CLK3: variants seen among roughly 807,000 people sequenced by gnomAD.
CLK3 encodes the protein CDC like kinase 3, also known as dual specificity protein kinase CLK3.
CLK3 carries 24 observed loss-of-function variants against 65.2 expected under a neutral mutation model. The ratio of observed to expected loss-of-function variants is 0.37; its 90% CI spans 0.27 to 0.52. CLK3 has a LOEUF of 0.52. Among genes scored for constraint, CLK3 ranks in the 20% least tolerant of loss-of-function variants. The pLI is 0.92. For synonymous variants in CLK3, 252 were observed against 240.8 expected (o/e 1.05, Z -0.43); for missense variants, 506 against 660.0 (o/e 0.77, Z 2.56).
rs966746858 is a variant in CLK3, at chr15:74,620,438, G to C, written c.369+213G>C. The C allele has an allele frequency of 1.6e-5, 11 of 681,954 alleles. No individual in the cohort carries two copies. The Admixed American group carries it at 2.9e-4, about 18-fold the overall frequency. The allele number at this position is 681,954 out of a possible 1,614,324, so 42.2% of individuals were successfully genotyped here. ...CTTCTGGCTCTTTCCAGTGGCAACT[G>C]TAGGAACTCTGGCTCCGATGCTGGC... On this transcript the variant is annotated intron_variant, in intron 3 of 12. Coordinates refer to ENST00000395066, the MANE Select transcript of CLK3 (RefSeq NM_001130028.2).
chr15:74,629,741 A>C lies in CLK3; in HGVS notation c.1331A>C (p.Gln444Pro), dbSNP rs1286572474. 1 of 1,613,530 alleles carries C rather than the reference A, an allele frequency of 6.2e-7. No homozygotes were observed. The highest frequency in any genetic ancestry group is 8.5e-7 in the Non-Finnish European group (1 of 1,179,718). ...CTCCAAGACTCCCTGGAGCACGTGCAGCTGTTTGACCTGATGAGGAGGATG... is the reference window on the plus strand; with the variant it reads ...CTCCAAGACTCCCTGGAGCACGTGCCGCTGTTTGACCTGATGAGGAGGATG... Reference protein sequence around the residue: ...YMLQDSLEHVQLFDLMRRMLE... With the variant: ...YMLQDSLEHVPLFDLMRRMLE... Residue 444 changes from glutamine (Q) to proline (P), a missense_variant, in exon 13 of 13, where the codon CAG becomes CCG. Gln to Pro is a moderately conservative substitution (Grantham distance 76). Around this residue, in one of 2 missense-constraint regions of CLK3, gnomAD observed 325 missense variants for 500.5 expected, o/e 0.65. Transcript: ENST00000395066.
chr15:74,629,664 A>G (rs766753833), intron 12 of CLK3, 43 bp from the exon 13 acceptor site: 1 of 1,544,132 alleles, frequency 6.5e-7, no homozygotes, highest in African/African-American at 1.4e-5. Context: ...GTGGCTTCCC[A>G]CGACCCTGCC....
At chr15:74,615,737 G>C, upstream of CLK3, 1 of 1,238,226 alleles carries the variant, frequency 8.1e-7, no homozygotes, top group Middle Eastern at 3.1e-4. Flanking sequence ...CTTCGAGTCG[G>C]GGGCTAGAGC....
chr15:74,627,928 A>G lies in CLK3; in HGVS notation c.1043-42A>G. The G allele has an allele frequency of 2.0e-6, 3 of 1,495,198 alleles. No individual in the cohort carries two copies. Among genetic ancestry groups the G allele is most frequent in the South Asian group, 1.1e-5 (1 of 88,778 alleles). The allele number at this position is 1,495,198 out of a possible 1,614,324, so 92.6% of individuals were successfully genotyped here. ...GCCTTGTGACTTCCAGGCTGGAAGCATAAGGCCGGATCTCACAGCCTCTCC... is the reference window on the plus strand; with the variant it reads ...GCCTTGTGACTTCCAGGCTGGAAGCGTAAGGCCGGATCTCACAGCCTCTCC... On this transcript the variant is annotated intron_variant, in intron 9 of 12. Transcript: ENST00000395066. This position sits in a 1 kb window ranked among gnomAD's most constrained non-coding sequence, Gnocchi z 4.3.
chr15:74,625,120 C>A, intron 6 of CLK3, 102 bp downstream of exon 6: 1 of 822,624 alleles, frequency 1.2e-6, no homozygotes, highest in Admixed American at 2.0e-5. Context: ...GCCTTCTCCC[C>A]ACACTCAGAA....
intron 6 of CLK3, among the ~76,000 whole-genome samples, 162 bp downstream of exon 6, chr15:74,625,180 A>C (rs771093251): frequency 1.3e-5 from 2 of 152,156 alleles, no homozygotes; most frequent in East Asian, 1.9e-4. Context: ...ACTGCAGTCC[A>C]GTCTTCACCC....
chr15:74,622,295 G>A lies in CLK3; in HGVS notation c.466+79G>A, dbSNP rs2062109916. 3.6e-6 allele frequency: 5 copies of A among 1,385,770 alleles called. No homozygotes were observed. The highest frequency in any genetic ancestry group is 1.8e-4 in the Middle Eastern group (1 of 5,570). The allele number at this position is 1,385,770 out of a possible 1,614,324, so 85.8% of individuals were successfully genotyped here. A position where few individuals can be genotyped will look rare whatever the true frequency, so the allele number is the denominator to read the frequency against. ...GACGAGACCTCTCCTGCCTGGAGGG[G>A]CCTCTAGTGCGCGTGGTGCCTTAGC... On this transcript the variant is annotated intron_variant, in intron 4 of 12. Transcript: ENST00000395066. The surrounding 1 kb of genome is among the most constrained non-coding windows in gnomAD (Gnocchi z 4.6).
chr15:74,613,187 G>A (rs1168242477), upstream of CLK3: 2 of 152,450 alleles, frequency 1.3e-5, no homozygotes, highest in Non-Finnish European at 2.9e-5. Context: ...CCTAAGCTTG[G>A]TGGAAGTGGA....
In CLK3 at chr15:74,621,070, C is replaced by T. The variant is rs143886048; in HGVS notation, c.369+845C>T. ...TCCCCCATCCCTCTTCCCTGCCTCC[C>T]TCCTGCCGGCCTTGAGGCCCCTGAG... On this transcript the variant is annotated intron_variant, in intron 3 of 12. Transcript: ENST00000395066. This position sits in a 1 kb window ranked among gnomAD's most constrained non-coding sequence, Gnocchi z 4.8. The T allele has an allele frequency of 6.6e-6, 1 of 152,534 alleles. No homozygotes were observed. The highest frequency in any genetic ancestry group is 2.4e-5 in the African/African-American group (1 of 41,484). The allele number at this position is 152,534 out of a possible 1,614,324, so 9.4% of individuals were successfully genotyped here. A position where few individuals can be genotyped will look rare whatever the true frequency, so the allele number is the denominator to read the frequency against.
At chr15:74,614,800 G>C (rs572763075), upstream of CLK3, 1 of 152,190 alleles carries the variant, frequency 6.6e-6, no homozygotes, top group Non-Finnish European at 1.5e-5. Context: ...CCCGCGGAGC[G>C]GTCCCAAGGA....
At position 74,629,781 on chromosome 15, in the gene CLK3, T is replaced by C; in HGVS notation, c.1371T>C (p.Pro457=). ...DLMRRMLEFD[P]AQRITLAEAL... The stretch of plus-strand genomic sequence containing the variant: ...TGAGGAGGATGTTAGAATTTGACCC[T>C]GCCCAGCGCATCACACTGGCCGAGG... Residue 457 remains proline, a synonymous_variant, in exon 13 of 13, where the codon CCT becomes CCC. Transcript: ENST00000395066. 6.2e-7 allele frequency: 1 copy of C among 1,613,736 alleles called. No homozygotes were observed. Among genetic ancestry groups the C allele is most frequent in the Non-Finnish European group, 8.5e-7 (1 of 1,179,806 alleles).
At chr15:74,626,318 G>A (rs1302185192) in intron 7 of CLK3, among the ~76,000 whole-genome samples, 6 of 152,206 alleles carry the variant, frequency 3.9e-5, no homozygotes, top group African/African-American at 1.4e-4. Flanking sequence ...TAGCACCACA[G>A]GTCCTGCCCA....
Position 74,622,424 on chromosome 15 carries a change from C to A in CLK3, c.467-70C>A. Reference sequence around the variant, plus strand: ...TTTTTTGTTTTTGAGAATTTGAATGCTGTGAACTTGCAGGAGCTGCCAACC... The same window carrying A: ...TTTTTTGTTTTTGAGAATTTGAATGATGTGAACTTGCAGGAGCTGCCAACC... On this transcript the variant is annotated intron_variant, in intron 4 of 12. Transcript: ENST00000395066. This position sits in a 1 kb window ranked among gnomAD's most constrained non-coding sequence, Gnocchi z 4.6. 8.1e-7 allele frequency: 1 copy of A among 1,235,748 alleles called. No individual in the cohort carries two copies. Among genetic ancestry groups the A allele is most frequent in the African/African-American group, 1.5e-5 (1 of 66,216 alleles). 76.5% of individuals were successfully genotyped at this position (1,235,748 alleles called of 1,614,324 possible).
chr15:74,615,680 C>T (rs931761507), upstream of CLK3: 3 of 1,241,590 alleles, frequency 2.4e-6, no homozygotes, highest in Non-Finnish European at 3.0e-6. Context: ...AACTAGTCTC[C>T]TAGGCCGCGG....
In CLK3 at chr15:74,624,524, G is replaced by A. The variant is rs1285308039; in HGVS notation, c.534-378G>A. ...CAAGAGGCGCCGCAGGAGGGTTCTC[G>A]GTGGGACAGCCTGGCCAGGGTTGGG... is the stretch of plus-strand genomic sequence containing the variant. On this transcript the variant is annotated intron_variant, in intron 5 of 12. Transcript: ENST00000395066. The surrounding 1 kb of genome is among the most constrained non-coding windows in gnomAD (Gnocchi z 4.2). 4.4e-6 allele frequency: 1 copy of A among 224,836 alleles called. No homozygotes were observed. The highest frequency in any genetic ancestry group is 8.9e-6 in the Non-Finnish European group (1 of 111,958). 13.9% of individuals were successfully genotyped at this position (224,836 alleles called of 1,614,324 possible).
intron 7 of CLK3, among the ~76,000 whole-genome samples, chr15:74,626,583 G>A (rs772380667): frequency 4.2e-4 from 64 of 152,246 alleles, no homozygotes; most frequent in Non-Finnish European, 6.5e-4. Flanking sequence ...TGAGAAGACA[G>A]GTGTCTTCCT....
intron 6 of CLK3, 106 bp from the exon 7 acceptor site, chr15:74,625,696 G>A: frequency 8.5e-7 from 1 of 1,177,734 alleles, no homozygotes; most frequent in Non-Finnish European, 1.2e-6. Flanking sequence ...ATTCTGGTGT[G>A]TGACCCGGTG....
rs752486068 is a variant in CLK3, at chr15:74,625,001, G to A, written c.633G>A (p.Lys211=). 1.2e-6 allele frequency: 2 copies of A among 1,613,700 alleles called. No homozygotes were observed. Among genetic ancestry groups the A allele is most frequent in the African/African-American group, 1.3e-5 (1 of 75,022 alleles). The change falls in exon 6 of 13, where the codon AAG becomes AAA. Residue 211 remains lysine, a synonymous_variant. Coordinates refer to ENST00000395066, the MANE Select transcript of CLK3 (RefSeq NM_001130028.2). Reference sequence around the variant, plus strand: ...ACGTGCTCAAAAAAATCAAGGAGAAGGACAAAGAAAACAAGTTGTGAGTAT... The same window carrying A: ...ACGTGCTCAAAAAAATCAAGGAGAAAGACAAAGAAAACAAGTTGTGAGTAT... ...EINVLKKIKE[K]DKENKFLCVL... is the part of the protein sequence containing the mutation.
intron 2 of CLK3, 116 bp from the exon 3 acceptor site, chr15:74,619,893 G>T (rs2062087616): frequency 6.6e-7 from 1 of 1,514,294 alleles, no homozygotes; most frequent in African/African-American, 1.4e-5. Context: ...CACCAGTGTG[G>T]ATGCTTTTAG....
Sources: gnomAD v4.1 joint callset for allele counts (sites outside exome capture counted in the v4.1 genomes callset) on GRCh38, gnomAD v4.1.1 for gene constraint, gnomAD v4.1.1 regional missense constraint, Gnocchi (gnomAD v3.1) non-coding constraint, MANE v1.5 for transcripts, NCBI Gene and HGNC (gene_info 2026-07-23, HGNC 2026-07-21) for gene names.